SIRT7: variants seen among roughly 807,000 people sequenced by gnomAD.
SIRT7 encodes the protein sirtuin 7, also known as NAD-dependent protein deacetylase sirtuin-7.
In SIRT7, 32 loss-of-function variants were observed where a neutral mutation model predicts 42.8. That is an observed-to-expected ratio of 0.75 (90% CI 0.56 to 1.00). The LOEUF (loss-of-function observed/expected upper bound fraction) is 1.00, where lower values mean the gene tolerates loss of function less well. Among genes scored for constraint, SIRT7 ranks in the 50% least tolerant of loss-of-function variants. The pLI, the probability that SIRT7 is intolerant of heterozygous loss-of-function variation, is 0.00. For synonymous variants in SIRT7, 297 were observed against 245.2 expected (o/e 1.21, Z -1.97); for missense variants, 553 against 572.2 (o/e 0.97, Z 0.34).
rs1242032836 is a variant in SIRT7, at chr17:81,913,460, C to T, written c.1004+314G>A. 6 of 442,928 alleles carry T rather than the reference C, an allele frequency of 1.4e-5. No homozygotes were observed. The Admixed American group carries it at 1.8e-4, about 13-fold the overall frequency. The allele number at this position is 442,928 out of a possible 1,614,324, so 27.4% of individuals were successfully genotyped here. A position where few individuals can be genotyped will look rare whatever the true frequency, so the allele number is the denominator to read the frequency against. On this transcript the variant is annotated intron_variant, in intron 9 of 9. Transcript: ENST00000328666. This position sits in a 1 kb window ranked among gnomAD's most constrained non-coding sequence, Gnocchi z 5.0. ...TCTGTCTGACCAGAGCTGCCGAGTG[C>T]TCGTCCCCTCCAGATGCTTCCCACC... is the stretch of plus-strand genomic sequence containing the variant.
In SIRT7 at chr17:81,913,168, C is replaced by A; in HGVS notation, c.1005-554G>T. On this transcript the variant is annotated intron_variant, in intron 9 of 9. Coordinates refer to ENST00000328666, the MANE Select transcript of SIRT7 (RefSeq NM_016538.3). This position sits in a 1 kb window ranked among gnomAD's most constrained non-coding sequence, Gnocchi z 5.0. ...TAATGTAAAAAAAAAATACAGTACA[C>A]GATAGCCCACATCACAGAACACCAC... 1 of 419,154 alleles carries A rather than the reference C, an allele frequency of 2.4e-6. No individual in the cohort carries two copies. Among genetic ancestry groups the A allele is most frequent in the Non-Finnish European group, 4.7e-6 (1 of 213,160 alleles). 26.0% of individuals were successfully genotyped at this position (419,154 alleles called of 1,614,324 possible).
chr17:81,914,499 T>C lies in SIRT7; in HGVS notation c.611A>G (p.Tyr204Cys). 1 of 1,613,208 alleles carries C rather than the reference T, an allele frequency of 6.2e-7. No homozygotes were observed. Among genetic ancestry groups the C allele is most frequent in the Non-Finnish European group, 8.5e-7 (1 of 1,180,016 alleles). The part of the protein sequence containing the change: ...VCTSCVPNRE[Y>C]VRVFDVTERT... ...CTCCGTCACATCGAACACCCGCACG[T>C]ACTCCCTGTTGGGAACGCAGGAGGT... The change falls in exon 7 of 10, where the codon TAC (tyrosine) becomes TGC (cysteine). Residue 204 changes from tyrosine to cysteine, a missense_variant. Coordinates refer to ENST00000328666, the MANE Select transcript of SIRT7 (RefSeq NM_016538.3).
intron 3 of SIRT7, chr17:81,916,416 T>G (rs981387904): frequency 6.6e-6 from 1 of 152,082 alleles, no homozygotes; most frequent in Non-Finnish European, 1.5e-5. Context: ...CCATTGGAAG[T>G]TCCATAACAG....
At chr17:81,915,259 C>G in intron 5 of SIRT7, 181 bp downstream of exon 5, 2 of 644,692 alleles carry the variant, frequency 3.1e-6, no homozygotes, top group South Asian at 3.6e-5. Flanking sequence ...AGAGGGGGAG[C>G]TCCCCTTCTG....
In SIRT7 at chr17:81,913,547, C is replaced by G; in HGVS notation, c.1004+227G>C. On this transcript the variant is annotated intron_variant, in intron 9 of 9. Transcript: ENST00000328666. The surrounding 1 kb of genome is among the most constrained non-coding windows in gnomAD (Gnocchi z 5.0). ...AGGAGCACGCGGGCAGAATCCCTCTCCCCGCGGGGATTGTGTGTGCCACAT... is the reference window on the plus strand; with the variant it reads ...AGGAGCACGCGGGCAGAATCCCTCTGCCCGCGGGGATTGTGTGTGCCACAT... 1.9e-6 allele frequency: 1 copy of G among 539,322 alleles called. No homozygotes were observed. Among genetic ancestry groups the G allele is most frequent in the Non-Finnish European group, 3.4e-6 (1 of 297,898 alleles). The allele number at this position is 539,322 out of a possible 1,614,324, so 33.4% of individuals were successfully genotyped here.
chr17:81,915,716 A>T, intron 3 of SIRT7, 35 bp from the exon 4 acceptor site: 1 of 1,608,090 alleles, frequency 6.2e-7, no homozygotes, highest in Non-Finnish European at 8.5e-7. Context: ...CCAAGTCAAA[A>T]GGCACCACTG....
Position 81,912,179 on chromosome 17 carries a change from G to A in SIRT7, c.*237C>T, listed in dbSNP as rs1357659494. On this transcript the variant is annotated 3_prime_UTR_variant, in exon 10 of 10. Coordinates refer to ENST00000328666, the MANE Select transcript of SIRT7 (RefSeq NM_016538.3). ...CCGAGTTCCGTTCTCACAGAAAGGT[G>A]CGGCTGCCACCTCTTGACACAGAGG... 6 of 583,360 alleles carry A rather than the reference G, an allele frequency of 1.0e-5. No individual in the cohort carries two copies. In the East Asian group the frequency reaches 1.8e-4, roughly 17 times the overall value. The allele number at this position is 583,360 out of a possible 1,614,324, so 36.1% of individuals were successfully genotyped here.
At chr17:81,914,041 T>A (rs202127881) in intron 8 of SIRT7, 46 bp downstream of exon 8, 1 of 1,608,612 alleles carries the variant, frequency 6.2e-7, no homozygotes, top group Non-Finnish European at 8.5e-7. Flanking sequence ...TGGCTGTGCG[T>A]TCTAAGACCC....
chr17:81,912,158 G>C lies in SIRT7; in HGVS notation c.*258C>G. The C allele has an allele frequency of 5.4e-6, 3 of 551,822 alleles. No homozygotes were observed. The highest frequency in any genetic ancestry group is 9.7e-6 in the Non-Finnish European group (3 of 308,518). 34.2% of individuals were successfully genotyped at this position (551,822 alleles called of 1,614,324 possible). A position where few individuals can be genotyped will look rare whatever the true frequency, so the allele number is the denominator to read the frequency against. On this transcript the variant is annotated 3_prime_UTR_variant, in exon 10 of 10. Transcript: ENST00000328666. The stretch of plus-strand genomic sequence containing the variant: ...GCAGGCCGGGGCTGAAATAACCCGA[G>C]TTCCGTTCTCACAGAAAGGTGCGGC...
chr17:81,915,387 C>G, intron 5 of SIRT7, 53 bp downstream of exon 5: 2 of 1,579,232 alleles, frequency 1.3e-6, no homozygotes, highest in South Asian at 1.1e-5. Context: ...CACTGGGCAC[C>G]AAGGTGCTCT....
Position 81,913,552 on chromosome 17 carries a change from C to T in SIRT7, c.1004+222G>A, listed in dbSNP as rs111738533. The T allele has an allele frequency of 2.4e-4, 131 of 547,056 alleles. 1 individual carries two copies. The highest frequency in any genetic ancestry group is 1.5e-3 in the East Asian group (48 of 31,208). 33.9% of individuals were successfully genotyped at this position (547,056 alleles called of 1,614,324 possible). ...CACGCGGGCAGAATCCCTCTCCCCG[C>T]GGGGATTGTGTGTGCCACATCAGCC... On this transcript the variant is annotated intron_variant, in intron 9 of 9. Coordinates refer to ENST00000328666, the MANE Select transcript of SIRT7 (RefSeq NM_016538.3). This position sits in a 1 kb window ranked among gnomAD's most constrained non-coding sequence, Gnocchi z 5.0.
chr17:81,914,206 G>A (rs200000329), intron 7 of SIRT7, 39 bp from the exon 8 acceptor site: 11 of 1,613,302 alleles, frequency 6.8e-6, no homozygotes, highest in African/African-American at 1.3e-5. Flanking sequence ...CACACACAAG[G>A]GACAAGTCTG....
Position 81,917,924 on chromosome 17 carries a change from T to A in SIRT7, c.137A>T (p.Glu46Val). Residue 46 changes from glutamate to valine, a missense_variant, in exon 2 of 10, where the codon GAG becomes GTG. Transcript: ENST00000328666. ...LRKAAAERSA[E>V]EGRLLAESAD... ...GCTCTCGGCCAGCAGCCGGCCCTCC[T>A]CGGCGCTGCGCTCCGCCGCCGCCTT... 7.1e-7 allele frequency: 1 copy of A among 1,410,290 alleles called. No individual in the cohort carries two copies. The highest frequency in any genetic ancestry group is 3.2e-5 in the East Asian group (1 of 31,734). 87.4% of individuals were successfully genotyped at this position (1,410,290 alleles called of 1,614,324 possible).
Position 81,917,598 on chromosome 17 carries a change from T to A in SIRT7, c.336+17A>T. The A allele has an allele frequency of 6.3e-7, 1 of 1,584,084 alleles. No individual in the cohort carries two copies. The highest frequency in any genetic ancestry group is 8.6e-7 in the Non-Finnish European group (1 of 1,161,838). ...CTCATACTCCGTCCTGGGGTACGCC[T>A]CCGCCTCCCTCCCTACCGTGCTGAT... On this transcript the variant is annotated intron_variant, in intron 3 of 9. Transcript: ENST00000328666.
chr17:81,915,537 G>A, intron 4 of SIRT7, 25 bp from the exon 5 acceptor site: 1 of 1,613,450 alleles, frequency 6.2e-7, no homozygotes, highest in Non-Finnish European at 8.5e-7. Context: ...GGAAGGCAAG[G>A]TGAGGAGAGC....
At chr17:81,915,375 C>A in intron 5 of SIRT7, 65 bp downstream of exon 5, 1 of 1,550,602 alleles carries the variant, frequency 6.4e-7, no homozygotes. Context: ...CAGTTAGTTG[C>A]CCACTGGGCA....
intron 3 of SIRT7, chr17:81,917,294 A>G: frequency 4.0e-6 from 1 of 251,950 alleles, no homozygotes; most frequent in East Asian, 7.3e-5. Context: ...TCTGGCTCTT[A>G]CTGTGTCACT....
In SIRT7 at chr17:81,918,118, C is replaced by G. The variant is rs751933545; in HGVS notation, c.14G>C (p.Gly5Ala). Reference protein sequence around the residue: MAAGGLSRSERKAAE... With the variant: MAAGALSRSERKAAE... ...CGCTTTGCGCTCGGAGCGGCTCAGA[C>G]CCCCGGCTGCCATCGCTCCCCTGGA... The change falls in exon 1 of 10, where the codon GGT becomes GCT. Residue 5 changes from glycine to alanine, a missense_variant. Physicochemically the swap from Gly to Ala is moderately conservative, Grantham distance 60 (BLOSUM62 0). Coordinates refer to ENST00000328666, the MANE Select transcript of SIRT7 (RefSeq NM_016538.3). 1 of 1,550,490 alleles carries G rather than the reference C, an allele frequency of 6.4e-7. No individual in the cohort carries two copies. The highest frequency in any genetic ancestry group is 8.6e-7 in the Non-Finnish European group (1 of 1,159,238).
chr17:81,912,324 G>A lies in SIRT7; in HGVS notation c.*92C>T. 1 of 1,487,494 alleles carries A rather than the reference G, an allele frequency of 6.7e-7. No homozygotes were observed. The highest frequency in any genetic ancestry group is 2.3e-5 in the East Asian group (1 of 44,316). 92.1% of individuals were successfully genotyped at this position (1,487,494 alleles called of 1,614,324 possible). A position where few individuals can be genotyped will look rare whatever the true frequency, so the allele number is the denominator to read the frequency against. On this transcript the variant is annotated 3_prime_UTR_variant, in exon 10 of 10. Transcript: ENST00000328666. The stretch of plus-strand genomic sequence containing the variant: ...ACGGTGAAAATGTCATCCCCAAAGA[G>A]TTCGTTCTCCCTAGACCCGTGGGGG...
Sources: gnomAD v4.1 joint callset for allele counts on GRCh38, gnomAD v4.1.1 for gene constraint, Gnocchi (gnomAD v3.1) non-coding constraint, MANE v1.5 for transcripts, NCBI Gene and HGNC (gene_info 2026-07-23, HGNC 2026-07-21) for gene names.